The following MTA3 variants were observed in gnomAD, a reference collection of about 807,000 sequenced individuals.
MTA3 encodes the protein metastasis-associated protein MTA3.
Under a neutral mutation model 83.5 loss-of-function variants are expected in MTA3, and 34 were observed. That is an observed-to-expected ratio of 0.41 (90% confidence interval 0.31 to 0.54). The LOEUF is 0.54. Among genes scored for constraint, MTA3 ranks in the 20% least tolerant of loss-of-function variants. The probability of loss-of-function intolerance (pLI) is 0.33; values close to 1 mark genes in which losing one functional copy is unlikely to be tolerated. For synonymous variants in MTA3, 303 were observed against 252.7 expected, an observed-to-expected ratio of 1.20 and a Z score of -1.89; for missense variants, 761 against 726.4, an observed-to-expected ratio of 1.05 and a Z score of -0.55.
intron 16 of MTA3, among the ~76,000 whole-genome samples, chr2:42,745,043 C>G (rs1669311961): frequency 6.6e-6 from 1 of 152,186 alleles, no homozygotes. Flanking sequence ...TTTCTGTTTT[C>G]CCTTCCAAAT....
intron 9 of MTA3, among the ~76,000 whole-genome samples, chr2:42,695,406 G>A (rs891372786): frequency 2.0e-5 from 3 of 151,664 alleles, no homozygotes; most frequent in East Asian, 1.9e-4. Context: ...AGGCCGAGGC[G>A]GGCAGATCAC....
In MTA3 at chr2:42,679,671, T is replaced by C. The variant is rs959277463; in HGVS notation, c.703-2730T>C. On this transcript the variant is annotated intron_variant, in intron 8 of 16. Coordinates refer to ENST00000405094, the MANE Select transcript of MTA3 (RefSeq NM_001330442.2). ...TCTCTCCAGCTGCCTACAGGAAATA[T>C]AAACAACAGTGCCTTCTTCATTTTA... Among the ~76,000 whole-genome samples, 5 of 152,230 alleles carry C rather than the reference T, an allele frequency of 3.3e-5. No individual in the cohort carries two copies. The South Asian group carries it at 1.0e-3, about 32-fold the overall frequency.
chr2:42,708,769 C>A, intron 13 of MTA3, 105 bp from the exon 14 acceptor site: 1 of 1,190,152 alleles, frequency 8.4e-7, no homozygotes, highest in Non-Finnish European at 1.2e-6. Flanking sequence ...ATAGATGCTT[C>A]ATGAAAGATT....
chr2:42,582,121 G>A (rs938071213), intron 3 of MTA3, among the ~76,000 whole-genome samples: 3 of 151,428 alleles, frequency 2.0e-5, no homozygotes, highest in Non-Finnish European at 4.4e-5. Flanking sequence ...GTAGTGGCGC[G>A]ATCTTGGCTC....
intron 2 of MTA3, among the ~76,000 whole-genome samples, chr2:42,533,699 G>A (rs1368063141): frequency 4.7e-5 from 7 of 150,298 alleles, no homozygotes; most frequent in Non-Finnish European, 7.4e-5. Flanking sequence ...GGGCGTAGTG[G>A]CGGGCGCCTG....
rs757481044 is a variant in MTA3, at chr2:42,697,779, C to T, written c.970C>T (p.Arg324Cys). The T allele has an allele frequency of 8.5e-6, 13 of 1,536,438 alleles. No individual in the cohort carries two copies. Among genetic ancestry groups the T allele is most frequent in the South Asian group, 2.6e-5 (2 of 77,212 alleles). ...TTTTATTCATCTTTTGAATTAGAAA[C>T]GTCTAAAAGCAGCAGAAGCTGAGAG... ...KTTDRYVQQK[R>C]LKAAEAESKL... Residue 324 changes from arginine to cysteine, a missense_variant, in exon 11 of 17, where the codon CGT becomes TGT. By Grantham distance (180) the Arg-to-Cys change is radical. Transcript: ENST00000405094.
chr2:42,630,265 T>C (rs1686545918), intron 4 of MTA3, among the ~76,000 whole-genome samples: 1 of 152,196 alleles, frequency 6.6e-6, no homozygotes, highest in Admixed American at 6.5e-5. Flanking sequence ...TAATACTTAA[T>C]TGTAACTACA....
intron 16 of MTA3, among the ~76,000 whole-genome samples, chr2:42,732,799 T>C (rs375100068): frequency 5.3e-5 from 8 of 152,244 alleles, no homozygotes; most frequent in African/African-American, 1.9e-4. Flanking sequence ...TAAATCATCT[T>C]TCTCAAGTTC....
At chr2:42,715,387 T>G (rs1666950265) in intron 14 of MTA3, among the ~76,000 whole-genome samples, 1 of 148,466 alleles carries the variant, frequency 6.7e-6, no homozygotes, top group African/African-American at 2.5e-5. Context: ...AGTTGAGACA[T>G]AATTCTTGCC....
chr2:42,530,843 T>C (rs1675931726), intron 2 of MTA3, among the ~76,000 whole-genome samples: 1 of 152,166 alleles, frequency 6.6e-6, no homozygotes, highest in Non-Finnish European at 1.5e-5. Context: ...TTTGTTTGTT[T>C]TTTTGAGACA....
chr2:42,707,216 C>T (rs1222077068), intron 12 of MTA3, among the ~76,000 whole-genome samples: 1 of 151,900 alleles, frequency 6.6e-6, no homozygotes, highest in Non-Finnish European at 1.5e-5. Flanking sequence ...GGTGTCTGAA[C>T]CCTGGGTTTG....
chr2:42,613,609 A>C (rs970008025), intron 4 of MTA3: 9 of 152,238 alleles, frequency 5.9e-5, no homozygotes, highest in African/African-American at 1.9e-4. Context: ...TAATTTGGTG[A>C]ATACTGATGT....
chr2:42,715,282 G>T (rs1666940713), intron 14 of MTA3, among the ~76,000 whole-genome samples: 3 of 152,058 alleles, frequency 2.0e-5, no homozygotes, highest in African/African-American at 7.2e-5. Flanking sequence ...TTTCCTCAGG[G>T]CCAACTGTAT....
chr2:42,605,154 G>T (rs1338936130), intron 3 of MTA3, among the ~76,000 whole-genome samples: 32 of 148,764 alleles, frequency 2.2e-4, no homozygotes, highest in Admixed American at 6.6e-4. Flanking sequence ...TTCCCAGTAG[G>T]GGCGGCCGGG....
intron 2 of MTA3, among the ~76,000 whole-genome samples, chr2:42,499,025 G>A (rs928438333): frequency 3.9e-5 from 6 of 152,142 alleles, no homozygotes; most frequent in African/African-American, 1.4e-4. Context: ...CTTGTTTACA[G>A]AGCTCTAATA....
intron 10 of MTA3, among the ~76,000 whole-genome samples, chr2:42,697,512 G>C (rs1377908667): frequency 6.6e-6 from 1 of 152,164 alleles, no homozygotes; most frequent in Non-Finnish European, 1.5e-5. Flanking sequence ...AGTCATAGAG[G>C]AATGGAAAAT....
intron 2 of MTA3, among the ~76,000 whole-genome samples, chr2:42,525,169 A>G (rs1379856906): frequency 7.0e-6 from 1 of 143,014 alleles, no homozygotes; most frequent in African/African-American, 2.6e-5. Flanking sequence ...TTTGTTTTTC[A>G]GCACTTCAAT....
At chr2:42,739,650 T>C (rs1668877684) in intron 16 of MTA3, among the ~76,000 whole-genome samples, 2 of 152,242 alleles carry the variant, frequency 1.3e-5, no homozygotes, top group South Asian at 4.1e-4. Context: ...GAAAGATTTC[T>C]TTGTGGCGTG....
intron 3 of MTA3, among the ~76,000 whole-genome samples, chr2:42,591,909 A>G (rs190142254): frequency 1.7e-4 from 26 of 152,200 alleles, no homozygotes; most frequent in Non-Finnish European, 2.8e-4. Flanking sequence ...TTGACCTCCC[A>G]AAGTGTTGGG....
Sources: gnomAD v4.1 joint callset for allele counts (sites outside exome capture counted in the v4.1 genomes callset) on GRCh38, gnomAD v4.1.1 for gene constraint, MANE v1.5 for transcripts, NCBI Gene and HGNC (gene_info 2026-07-23, HGNC 2026-07-21) for gene names.